The following SLC27A2 variants were observed in gnomAD, a reference collection of about 807,000 sequenced individuals.
The protein encoded by SLC27A2 is solute carrier family 27 member 2.
In SLC27A2, 54 loss-of-function variants were observed where a neutral mutation model predicts 60.0. The observed-to-expected ratio is 0.90, with a 90% CI of 0.72 to 1.13. The LOEUF is 1.13. Among genes scored for constraint, SLC27A2 ranks in the 50% most tolerant of loss-of-function variants. The pLI, the probability that SLC27A2 is intolerant of heterozygous loss-of-function variation, is 0.00. For synonymous variants in SLC27A2, 297 were observed against 297.6 expected (o/e 1.00, Z 0.02); for missense variants, 739 against 777.6 (o/e 0.95, Z 0.59).
intron 1 of SLC27A2, among the ~76,000 whole-genome samples, chr15:50,184,798 C>T (rs537571893): frequency 3.8e-4 from 58 of 152,292 alleles, no homozygotes; most frequent in Non-Finnish European, 7.2e-4. Context: ...GATCATGCCA[C>T]TGCACTCCAG....
At chr15:50,210,141 G>A (rs577704865) in intron 4 of SLC27A2, among the ~76,000 whole-genome samples, 8 of 152,292 alleles carry the variant, frequency 5.3e-5, no homozygotes, top group South Asian at 2.1e-4. Context: ...GGATCATGGC[G>A]AGCGGGAGGC....
chr15:50,197,878 T>G (rs550104077), intron 2 of SLC27A2, among the ~76,000 whole-genome samples, 169 bp downstream of exon 2: 1 of 151,816 alleles, frequency 6.6e-6, no homozygotes, highest in Non-Finnish European at 1.5e-5. Context: ...GTGATCCCAT[T>G]TGCGTTTCTC....
intron 1 of SLC27A2, among the ~76,000 whole-genome samples, chr15:50,189,961 G>T (rs531591340): frequency 1.3e-4 from 20 of 152,156 alleles, no homozygotes; most frequent in Non-Finnish European, 2.5e-4. Flanking sequence ...TAACATCAAG[G>T]AGATTACTAC....
intron 8 of SLC27A2, among the ~76,000 whole-genome samples, chr15:50,231,208 G>A (rs1379096832): frequency 6.7e-6 from 1 of 148,158 alleles, no homozygotes; most frequent in African/African-American, 2.5e-5. Context: ...GCAATGGCGC[G>A]ATCTCGGCTC....
chr15:50,225,057 TTTA>T (rs2045269954), intron 5 of SLC27A2, among the ~76,000 whole-genome samples: 1 of 152,204 alleles, frequency 6.6e-6, no homozygotes, highest in African/African-American at 2.4e-5. Flanking sequence ...GAAAAGAACA[TTTA>T]TTACTACCTA....
intron 4 of SLC27A2, among the ~76,000 whole-genome samples, chr15:50,209,423 T>A (rs146484552): frequency 2.6e-4 from 39 of 151,938 alleles, no homozygotes; most frequent in African/African-American, 8.9e-4. Context: ...CTTTGAAGAG[T>A]ACGGAGAAGT....
At chr15:50,225,909 A>T in intron 5 of SLC27A2, 79 bp from the exon 6 acceptor site, 1 of 970,094 alleles carries the variant, frequency 1.0e-6, no homozygotes, top group Non-Finnish European at 1.6e-6. Context: ...TACGCCTAAG[A>T]TATACTTTGT....
Position 50,182,939 on chromosome 15 carries a change from G to T in SLC27A2, c.478+34G>T, listed in dbSNP as rs760842642. The T allele has an allele frequency of 2.6e-6, 4 of 1,560,832 alleles. No individual in the cohort carries two copies. In the South Asian group the frequency reaches 3.6e-5, roughly 14 times the overall value. On this transcript the variant is annotated intron_variant, in intron 1 of 9. Transcript: ENST00000267842. ...CGAGGATCGCCCTGCCCTGGCACCAGGGCTTCTCGGCGCCTTGACTGACGA... is the reference window on the plus strand; with the variant it reads ...CGAGGATCGCCCTGCCCTGGCACCATGGCTTCTCGGCGCCTTGACTGACGA...
rs1278651309 is a variant in SLC27A2 at position 50,205,359 on chromosome 15, C to G, written c.968C>G (p.Pro323Arg). ...GELLRYLCNSPQKPNDRDHKV... is the reference protein window; with the variant it reads ...GELLRYLCNSRQKPNDRDHKV... ...CTGCTTCGGTATTTATGCAACTCAC[C>G]ACAGGTAACACTCCCCCCGTTTTAC... Residue 323 changes from proline to arginine, a missense_variant, in exon 4 of 10, where the codon CCA (proline) becomes CGA (arginine). Transcript: ENST00000267842. The G allele has an allele frequency of 6.2e-7, 1 of 1,601,996 alleles. No individual in the cohort carries two copies. Among genetic ancestry groups the G allele is most frequent in the Admixed American group, 1.7e-5 (1 of 59,408 alleles).
At chr15:50,218,697 G>A (rs2045220416) in intron 4 of SLC27A2, among the ~76,000 whole-genome samples, 1 of 151,862 alleles carries the variant, frequency 6.6e-6, no homozygotes, top group Admixed American at 6.6e-5. Context: ...CAAAAAAATA[G>A]TAAAAATAAA....
chr15:50,232,028 CCAACTTT>C (rs1199557195), intron 8 of SLC27A2, among the ~76,000 whole-genome samples: 1 of 152,212 alleles, frequency 6.6e-6, no homozygotes, highest in Non-Finnish European at 1.5e-5. Flanking sequence ...AAAGTCCCTC[CCAACTTT>C]CAGATTCTGT....
Position 50,197,508 on chromosome 15 carries a change from G to C in SLC27A2, c.487G>C (p.Ala163Pro). The C allele has an allele frequency of 6.2e-7, 1 of 1,612,352 alleles. No individual in the cohort carries two copies. The highest frequency in any genetic ancestry group is 8.5e-7 in the Non-Finnish European group (1 of 1,178,590). ...TTTCTTATTAAATTAAGAACTACAA[G>C]CAGCTGTCGAAGAGATACTGCCAAG... is the stretch of plus-strand genomic sequence containing the variant. ...KVLLVSPELQ[A>P]AVEEILPSLK... is the part of the protein sequence containing the mutation. Residue 163 changes from alanine (A) to proline (P), a missense_variant, in exon 2 of 10, where the codon GCA becomes CCA. Transcript: ENST00000267842.
At chr15:50,216,914 C>A (rs2045202223) in intron 4 of SLC27A2, among the ~76,000 whole-genome samples, 1 of 143,874 alleles carries the variant, frequency 7.0e-6, no homozygotes. Flanking sequence ...TATATATATT[C>A]CATAAAAAGG....
intron 1 of SLC27A2, among the ~76,000 whole-genome samples, chr15:50,193,354 CAGGG>C (rs1378252051): frequency 2.6e-5 from 4 of 152,182 alleles, no homozygotes; most frequent in Admixed American, 2.0e-4. Flanking sequence ...TCTATGAAAA[CAGGG>C]AGAGCGTTTT....
intron 4 of SLC27A2, among the ~76,000 whole-genome samples, chr15:50,212,890 AAAC>A (rs1201582789): frequency 3.3e-5 from 5 of 152,188 alleles, no homozygotes; most frequent in Non-Finnish European, 7.3e-5. Flanking sequence ...GTGAAAAAGC[AAAC>A]AACAAAAAAA....
chr15:50,222,645 T>C (rs1288094705), intron 4 of SLC27A2, among the ~76,000 whole-genome samples: 2 of 152,308 alleles, frequency 1.3e-5, no homozygotes, highest in African/African-American at 4.8e-5. Context: ...GGATATGGAT[T>C]AAATGTTGGC....
intron 5 of SLC27A2, among the ~76,000 whole-genome samples, chr15:50,225,635 G>C (rs2140912442): frequency 6.6e-6 from 1 of 152,246 alleles, no homozygotes; most frequent in African/African-American, 2.4e-5. Flanking sequence ...GTTTATACAA[G>C]GGAAAATTGC....
intron 8 of SLC27A2, 122 bp downstream of exon 8, chr15:50,229,164 A>C: frequency 1.5e-6 from 1 of 645,704 alleles, no homozygotes; most frequent in East Asian, 2.8e-5. Context: ...TTCAGCTGCC[A>C]GGGAGTAAGG....
At chr15:50,204,070 C>T (rs1365443390) in intron 3 of SLC27A2, among the ~76,000 whole-genome samples, 1 of 152,112 alleles carries the variant, frequency 6.6e-6, no homozygotes, top group Non-Finnish European at 1.5e-5. Flanking sequence ...CAAAATGCTC[C>T]AAAATCTGTA....
Sources: gnomAD v4.1 joint callset for allele counts (sites outside exome capture counted in the v4.1 genomes callset) on GRCh38, gnomAD v4.1.1 for gene constraint, MANE v1.5 for transcripts, NCBI Gene and HGNC (gene_info 2026-07-23, HGNC 2026-07-21) for gene names.